Variants in EXOSC4 observed in about 807,000 individuals in gnomAD.
EXOSC4 encodes the protein exosome complex component RRP41.
In EXOSC4, 14 loss-of-function variants were observed where a neutral mutation model predicts 20.0. That is an observed-to-expected ratio of 0.70 (90% CI 0.46 to 1.09). EXOSC4 has a LOEUF of 1.09. Ranked by LOEUF, EXOSC4 falls within the 50% of genes least tolerant of loss-of-function variation. EXOSC4 has a pLI of 0.00. For synonymous variants in EXOSC4, 148 were observed against 146.4 expected (o/e 1.01, Z -0.08); for missense variants, 337 against 334.0 (o/e 1.01, Z -0.07).
At chr8:144,075,327 C>T (rs868982662), upstream of EXOSC4, among the ~76,000 whole-genome samples, 7 of 152,008 alleles carry the variant, frequency 4.6e-5, no homozygotes, top group East Asian at 1.9e-4. Context: ...CCTGGGTTCA[C>T]GCCATTCTCC....
At position 144,078,726 on chromosome 8, in the gene EXOSC4, A is replaced by G; in HGVS notation, c.-3A>G. ...CAGAGAGCGGACCTGGCGGCCGGGC[A>G]GCATGGCGGGGCTGGAGCTCTTGTC... On this transcript the variant is annotated 5_prime_UTR_variant, in exon 1 of 3. Transcript: ENST00000316052. The surrounding 1 kb of genome is among the most constrained non-coding windows in gnomAD (Gnocchi z 4.7). 6.9e-7 allele frequency: 1 copy of G among 1,455,530 alleles called. No homozygotes were observed. Among genetic ancestry groups the G allele is most frequent in the Non-Finnish European group, 9.1e-7 (1 of 1,101,538 alleles). The allele number at this position is 1,455,530 out of a possible 1,614,324, so 90.2% of individuals were successfully genotyped here. A position where few individuals can be genotyped will look rare whatever the true frequency, so the allele number is the denominator to read the frequency against.
upstream of EXOSC4, among the ~76,000 whole-genome samples, chr8:144,075,291 A>G (rs533286400): frequency 6.6e-6 from 1 of 150,750 alleles, no homozygotes; most frequent in African/African-American, 2.5e-5. Context: ...CAGTGGTGCG[A>G]TTTCGGCTCA....
the EXOSC4 span, among the ~76,000 whole-genome samples, chr8:144,069,470 T>A: frequency 6.6e-6 from 1 of 152,212 alleles, no homozygotes; most frequent in African/African-American, 2.4e-5. Flanking sequence ...TGCAGCCACA[T>A]CACTCTGATC....
At chr8:144,076,584 A>G (rs1476160518), upstream of EXOSC4, among the ~76,000 whole-genome samples, 1 of 152,182 alleles carries the variant, frequency 6.6e-6, no homozygotes, top group African/African-American at 2.4e-5. Context: ...TGGTTCCTGA[A>G]GATGAATACT....
chr8:144,071,210 CT>C, the EXOSC4 span, among the ~76,000 whole-genome samples: 4 of 42,466 alleles, frequency 9.4e-5, no homozygotes, highest in African/African-American at 4.2e-4. Context: ...CTCCCCTCCC[CT>C]CTCCCCTCCC....
chr8:144,068,681 G>A, the EXOSC4 span, among the ~76,000 whole-genome samples: 1 of 152,220 alleles, frequency 6.6e-6, no homozygotes, highest in Non-Finnish European at 1.5e-5. Flanking sequence ...ATCAGAACAG[G>A]GGGAATCTGT....
the EXOSC4 span, among the ~76,000 whole-genome samples, chr8:144,066,866 T>C: frequency 6.6e-6 from 1 of 151,852 alleles, no homozygotes; most frequent in South Asian, 2.1e-4. Flanking sequence ...GGCGGGCGGA[T>C]CACCTGAGGT....
At chr8:144,070,444 AACCC>A in the EXOSC4 span, among the ~76,000 whole-genome samples, 5 of 151,974 alleles carry the variant, frequency 3.3e-5, no homozygotes, top group South Asian at 1.0e-3. Context: ...GAACCGCTTG[AACCC>A]AGGAGGTGGA....
the EXOSC4 span, among the ~76,000 whole-genome samples, chr8:144,068,334 C>G: frequency 6.6e-6 from 1 of 152,212 alleles, no homozygotes; most frequent in Admixed American, 6.5e-5. Flanking sequence ...GAATGGCCGC[C>G]CTGCAGACTG....
At position 144,078,708 on chromosome 8, in the gene EXOSC4, C is replaced by A; in HGVS notation, c.-21C>A. ...GCGGCTCAGAGAAGTAGGCAGAGAG[C>A]GGACCTGGCGGCCGGGCAGCATGGC... On this transcript the variant is annotated 5_prime_UTR_variant, in exon 1 of 3. Coordinates refer to ENST00000316052, the MANE Select transcript of EXOSC4 (RefSeq NM_019037.3). The surrounding 1 kb of genome is among the most constrained non-coding windows in gnomAD (Gnocchi z 4.7). 1 of 1,416,588 alleles carries A rather than the reference C, an allele frequency of 7.1e-7. No homozygotes were observed. The highest frequency in any genetic ancestry group is 9.2e-7 in the Non-Finnish European group (1 of 1,081,196). The allele number at this position is 1,416,588 out of a possible 1,614,324, so 87.8% of individuals were successfully genotyped here.
chr8:144,072,166 T>C, the EXOSC4 span, among the ~76,000 whole-genome samples: 4 of 152,090 alleles, frequency 2.6e-5, no homozygotes, highest in Non-Finnish European at 1.5e-5. Context: ...TATTTTTAAA[T>C]GTACAATGCC....
rs1835866800 is a variant in EXOSC4 at position 144,078,935 on chromosome 8, G to T, written c.171+36G>T. On this transcript the variant is annotated intron_variant, in intron 1 of 2. Coordinates refer to ENST00000316052, the MANE Select transcript of EXOSC4 (RefSeq NM_019037.3). The surrounding 1 kb of genome is among the most constrained non-coding windows in gnomAD (Gnocchi z 4.7). ...GCGCGGGATGGGGAATCGTGTGGCC[G>T]TGGGAGCTGCGGGGCAGCCGGGCTG... 2 of 1,437,186 alleles carry T rather than the reference G, an allele frequency of 1.4e-6. No homozygotes were observed. The highest frequency in any genetic ancestry group is 9.1e-7 in the Non-Finnish European group (1 of 1,093,624). 89.0% of individuals were successfully genotyped at this position (1,437,186 alleles called of 1,614,324 possible).
At chr8:144,074,375 C>T (rs1344814076), upstream of EXOSC4, among the ~76,000 whole-genome samples, 5 of 151,982 alleles carry the variant, frequency 3.3e-5, no homozygotes, top group Non-Finnish European at 5.9e-5. Flanking sequence ...AGTCACTTCC[C>T]GATACAGTTA....
intron 1 of EXOSC4, chr8:144,079,205 A>G (rs1554763138): frequency 3.2e-5 from 10 of 311,890 alleles, no homozygotes. Flanking sequence ...TTCCCAGACG[A>G]CCTTATTATC....
At chr8:144,069,592 C>T in the EXOSC4 span, among the ~76,000 whole-genome samples, 1 of 152,354 alleles carries the variant, frequency 6.6e-6, no homozygotes, top group East Asian at 1.9e-4. Flanking sequence ...CACCCGGGAT[C>T]GCCTCCCCGC....
upstream of EXOSC4, among the ~76,000 whole-genome samples, chr8:144,077,292 T>C (rs1291520063): frequency 2.6e-5 from 4 of 151,934 alleles, no homozygotes; most frequent in Non-Finnish European, 5.9e-5. Context: ...GATGACTCAG[T>C]AAGAACAGGG....
the EXOSC4 span, among the ~76,000 whole-genome samples, chr8:144,069,917 A>C: frequency 5.9e-3 from 898 of 152,282 alleles, 7 homozygotes; most frequent in South Asian, 0.03. Context: ...ACTAAACGCC[A>C]GGGTGACTAG....
chr8:144,065,081 G>A, the EXOSC4 span, among the ~76,000 whole-genome samples: 4 of 152,050 alleles, frequency 2.6e-5, no homozygotes, highest in East Asian at 1.9e-4. Flanking sequence ...TCCTGACCTC[G>A]TGATCTGCCC....
the EXOSC4 span, chr8:144,064,099 G>C: frequency 1.0e-4 from 16 of 152,544 alleles, no homozygotes; most frequent in East Asian, 2.7e-3. Flanking sequence ...GGCAGAGGTG[G>C]CCTGACCTCT....
Sources: gnomAD v4.1 joint callset for allele counts (sites outside exome capture counted in the v4.1 genomes callset) on GRCh38, gnomAD v4.1.1 for gene constraint, Gnocchi (gnomAD v3.1) non-coding constraint, MANE v1.5 for transcripts, NCBI Gene and HGNC (gene_info 2026-07-23, HGNC 2026-07-21) for gene names.